COMMD10: variants seen among roughly 807,000 people sequenced by gnomAD.
COMMD10 encodes COMM domain containing 10.
COMMD10 carries 33 observed loss-of-function variants against 28.9 expected under a neutral mutation model. The ratio of observed to expected loss-of-function variants is 1.14; its 90% confidence interval spans 0.87 to 1.53. COMMD10 has a LOEUF of 1.53. COMMD10 is among the 40% of genes most tolerant of loss of function. COMMD10 has a pLI of 0.00. For missense variants in COMMD10, 310 were observed against 233.4 expected (o/e 1.33, Z -2.14); for synonymous variants, 110 against 81.7 (o/e 1.35, Z -1.87).
chr5:116,216,147 A>G (rs1034756991), intron 5 of COMMD10, among the ~76,000 whole-genome samples: 2 of 152,168 alleles, frequency 1.3e-5, no homozygotes, highest in African/African-American at 4.8e-5. Flanking sequence ...AGTATCCAAT[A>G]TTTTTGCCTA....
intron 5 of COMMD10, among the ~76,000 whole-genome samples, chr5:116,207,061 GT>G (rs1748832274): frequency 1.3e-5 from 2 of 152,094 alleles, no homozygotes; most frequent in African/African-American, 4.8e-5. Context: ...AGAATCTGAA[GT>G]ACTTTTCATA....
At chr5:116,166,082 G>A (rs965765423) in intron 5 of COMMD10, among the ~76,000 whole-genome samples, 5 of 152,098 alleles carry the variant, frequency 3.3e-5, no homozygotes, top group Non-Finnish European at 5.9e-5. Context: ...TTCTATGGCC[G>A]AAAGAGCTTG....
chr5:116,240,406 T>A (rs920849940), intron 5 of COMMD10, among the ~76,000 whole-genome samples: 1 of 152,174 alleles, frequency 6.6e-6, no homozygotes, highest in Non-Finnish European at 1.5e-5. Context: ...AATTGTAATA[T>A]TTTAATTACA....
At chr5:116,249,387 T>G (rs1580581941) in intron 5 of COMMD10, among the ~76,000 whole-genome samples, 1 of 151,918 alleles carries the variant, frequency 6.6e-6, no homozygotes, top group East Asian at 1.9e-4. Context: ...TAGAGCTCAT[T>G]TGTTTCAATG....
chr5:116,255,731 T>C (rs1750265492), intron 5 of COMMD10: 2 of 150,752 alleles, frequency 1.3e-5, no homozygotes, highest in Admixed American at 6.6e-5. Context: ...AATATATATG[T>C]ATTCAGTTAC....
intron 4 of COMMD10, among the ~76,000 whole-genome samples, chr5:116,126,511 C>T (rs1252553220): frequency 1.6e-4 from 25 of 151,922 alleles, no homozygotes; most frequent in African/African-American, 2.9e-4. Context: ...ATCACATTAC[C>T]GGACTTCAAA....
rs773426834 is a variant in COMMD10, at chr5:116,273,782, A to AT, written c.511-17729dup. On this transcript the variant is annotated intron_variant, in intron 5 of 6. Transcript: ENST00000274458. ...CTGGAGTTTTGAAACTGACACTCAAATTTTTTATTGACTTCATATGAATAA... is the reference window on the plus strand; with the variant it reads ...CTGGAGTTTTGAAACTGACACTCAAATTTTTTTATTGACTTCATATGAATAA... Among the ~76,000 whole-genome samples the AT allele has an allele frequency of 1.6e-4, 24 of 151,822 alleles. No individual in the cohort carries two copies. In the East Asian group the frequency reaches 4.4e-3, roughly 28 times the overall value.
At chr5:116,092,765 G>A in intron 4 of COMMD10, 65 bp downstream of exon 4, 2 of 1,211,218 alleles carry the variant, frequency 1.7e-6, no homozygotes, top group Non-Finnish European at 2.2e-6. Context: ...TATACCTGAA[G>A]AGTTTTTAAA....
intron 5 of COMMD10, among the ~76,000 whole-genome samples, chr5:116,252,336 G>A (rs1209544693): frequency 4.9e-5 from 7 of 142,646 alleles, no homozygotes; most frequent in East Asian, 2.0e-4. Flanking sequence ...GGCTTTTGTT[G>A]CCATTGCTTT....
chr5:116,180,704 A>G (rs1561652332), intron 5 of COMMD10, among the ~76,000 whole-genome samples: 1 of 152,078 alleles, frequency 6.6e-6, no homozygotes, highest in East Asian at 1.9e-4. Flanking sequence ...AACTAAAAAA[A>G]TATATTCTTA....
intron 4 of COMMD10, among the ~76,000 whole-genome samples, chr5:116,093,133 G>C (rs2112712636): frequency 6.6e-6 from 1 of 152,282 alleles, no homozygotes; most frequent in East Asian, 1.9e-4. Context: ...TTTTACAGTA[G>C]TGCAAAACTA....
At chr5:116,112,915 G>C (rs1409666768) in intron 4 of COMMD10, among the ~76,000 whole-genome samples, 1 of 151,978 alleles carries the variant, frequency 6.6e-6, no homozygotes, top group Non-Finnish European at 1.5e-5. Context: ...CTTTACTAGT[G>C]TATTTTATAT....
At chr5:116,211,028 A>G (rs1406673574) in intron 5 of COMMD10, among the ~76,000 whole-genome samples, 1 of 152,072 alleles carries the variant, frequency 6.6e-6, no homozygotes, top group Admixed American at 6.6e-5. Context: ...AATGCTTGGT[A>G]TATTTTGTTA....
At chr5:116,193,845 A>G (rs1580538368) in intron 5 of COMMD10, among the ~76,000 whole-genome samples, 1 of 152,154 alleles carries the variant, frequency 6.6e-6, no homozygotes, top group Non-Finnish European at 1.5e-5. Flanking sequence ...ATTTTATCCA[A>G]CAACCACAGA....
Position 116,285,432 on chromosome 5 carries a change from A to T in COMMD10, c.511-6085A>T, listed in dbSNP as rs1053346349. ...CTCCATTCTTACTTCCCCACAAAACAACTGCCCTGGGCCACCCCTTGGAAG... is the reference window on the plus strand; with the variant it reads ...CTCCATTCTTACTTCCCCACAAAACTACTGCCCTGGGCCACCCCTTGGAAG... On this transcript the variant is annotated intron_variant, in intron 5 of 6. Coordinates refer to ENST00000274458, the MANE Select transcript of COMMD10 (RefSeq NM_016144.4). Among the ~76,000 whole-genome samples the T allele has an allele frequency of 4.6e-5, 7 of 151,846 alleles. 1 individual carries two copies. The highest frequency in any genetic ancestry group is 1.7e-4 in the African/African-American group (7 of 41,156).
intron 1 of COMMD10, 187 bp downstream of exon 1, chr5:116,085,280 T>C (rs1462301575): frequency 6.8e-6 from 4 of 589,092 alleles, no homozygotes; most frequent in Non-Finnish European, 1.2e-5. Flanking sequence ...GTAGCGCCTC[T>C]ACAGTCACGG....
At chr5:116,218,184 C>A in intron 5 of COMMD10, 3 of 812,698 alleles carry the variant, frequency 3.7e-6, no homozygotes, top group Non-Finnish European at 6.6e-6. Context: ...GGCCTGGGCT[C>A]TGGCTTTGGA....
chr5:116,123,478 T>A (rs1751512858), intron 4 of COMMD10, among the ~76,000 whole-genome samples: 1 of 152,206 alleles, frequency 6.6e-6, no homozygotes, highest in South Asian at 2.1e-4. Flanking sequence ...TGCCAGTATT[T>A]TATTGAGGAT....
Position 116,289,264 on chromosome 5 carries a change from T to C in COMMD10, c.511-2253T>C, listed in dbSNP as rs1043898273. On this transcript the variant is annotated intron_variant, in intron 5 of 6. Transcript: ENST00000274458. ...CTGATAGACCTTTGTTTCTTCAGGG[T>C]AAGTGTCCCGAGTTTTATTTTGTTC... Among the ~76,000 whole-genome samples, 21 of 151,930 alleles carry C rather than the reference T, an allele frequency of 1.4e-4. 1 individual carries two copies. The highest frequency in any genetic ancestry group is 5.1e-4 in the African/African-American group (21 of 41,246).
Sources: gnomAD v4.1 joint callset for allele counts (sites outside exome capture counted in the v4.1 genomes callset) on GRCh38, gnomAD v4.1.1 for gene constraint, MANE v1.5 for transcripts, NCBI Gene and HGNC (gene_info 2026-07-23, HGNC 2026-07-21) for gene names.